CABLES1: variants seen among roughly 807,000 people sequenced by gnomAD.
CABLES1 encodes the protein Cdk5 and Abl enzyme substrate 1.
CABLES1 carries 36 observed loss-of-function variants against 57.8 expected under a neutral mutation model. The observed-to-expected ratio is 0.62, with a 90% confidence interval of 0.48 to 0.82. CABLES1 has a LOEUF of 0.82. Among genes scored for constraint, CABLES1 ranks in the 40% least tolerant of loss-of-function variants. The probability of loss-of-function intolerance (pLI) is 0.00; values close to 1 mark genes in which losing one functional copy is unlikely to be tolerated. For missense variants in CABLES1, 767 were observed against 836.6 expected, an observed-to-expected ratio of 0.92 and a Z score of 1.03; for synonymous variants, 374 against 363.0, an observed-to-expected ratio of 1.03 and a Z score of -0.35.
At chr18:23,169,436 T>G (rs1001305893) in intron 1 of CABLES1, among the ~76,000 whole-genome samples, 2 of 152,232 alleles carry the variant, frequency 1.3e-5, no homozygotes, top group South Asian at 4.1e-4. Flanking sequence ...TGATATGTTA[T>G]GTCCACTAGG....
intron 7 of CABLES1, among the ~76,000 whole-genome samples, chr18:23,243,535 T>C (rs2047794246): frequency 1.4e-5 from 2 of 140,590 alleles, no homozygotes; most frequent in South Asian, 2.5e-4. Flanking sequence ...TCCAACACCA[T>C]ACAATTCACC....
intron 1 of CABLES1, among the ~76,000 whole-genome samples, chr18:23,184,713 AAAT>A (rs2047190546): frequency 6.6e-6 from 1 of 152,170 alleles, no homozygotes; most frequent in African/African-American, 2.4e-5. Context: ...AGAAAAAAAT[AAAT>A]AAATAAAAAG....
chr18:23,218,955 G>A (rs1229129707), intron 4 of CABLES1, among the ~76,000 whole-genome samples: 1 of 152,168 alleles, frequency 6.6e-6, no homozygotes, highest in Non-Finnish European at 1.5e-5. Context: ...CACTGGAGCT[G>A]CCCACAAATC....
intron 9 of CABLES1, among the ~76,000 whole-genome samples, chr18:23,256,624 G>T (rs1046659632): frequency 2.0e-5 from 3 of 152,080 alleles, no homozygotes; most frequent in Non-Finnish European, 4.4e-5. Flanking sequence ...GGGATTACAG[G>T]CGCCCACCGC....
chr18:23,146,215 G>C (rs1568042185), intron 1 of CABLES1, among the ~76,000 whole-genome samples: 1 of 152,244 alleles, frequency 6.6e-6, no homozygotes, highest in Admixed American at 6.5e-5. Context: ...TAAGGAGCTG[G>C]AAGATATTCA....
In CABLES1 at chr18:23,260,236, A is replaced by G. The variant is rs1253238019; in HGVS notation, c.*2869A>G. 6.6e-6 allele frequency: 1 copy of G among 152,124 alleles called. No individual in the cohort carries two copies. The highest frequency in any genetic ancestry group is 2.4e-5 in the African/African-American group (1 of 41,410). 9.4% of individuals were successfully genotyped at this position (152,124 alleles called of 1,614,324 possible). On this transcript the variant is annotated 3_prime_UTR_variant, in exon 10 of 10. Coordinates refer to ENST00000256925, the MANE Select transcript of CABLES1 (RefSeq NM_001100619.3). ...CCTATTTAAACAGGAAATTCATACC[A>G]AATGCAAATGGGTTTTGTTTTCCTT...
chr18:23,178,260 C>T (rs2047139270), intron 1 of CABLES1, among the ~76,000 whole-genome samples: 1 of 152,082 alleles, frequency 6.6e-6, no homozygotes, highest in Non-Finnish European at 1.5e-5. Context: ...CCTGGTTCTA[C>T]CCTTCTGCGT....
intron 1 of CABLES1, among the ~76,000 whole-genome samples, chr18:23,163,527 G>A (rs2047019672): frequency 6.6e-6 from 1 of 152,138 alleles, no homozygotes; most frequent in Non-Finnish European, 1.5e-5. Context: ...CAGGCACAGG[G>A]TGCTGTCAGG....
intron 3 of CABLES1, among the ~76,000 whole-genome samples, chr18:23,203,865 T>C (rs187713137): frequency 2.0e-5 from 3 of 152,342 alleles, no homozygotes; most frequent in Non-Finnish European, 2.9e-5. Context: ...CTGGCTTTTT[T>C]TCCTCTCGGA....
chr18:23,237,383 G>A (rs1471622137), intron 7 of CABLES1, 138 bp downstream of exon 7: 10 of 679,632 alleles, frequency 1.5e-5, no homozygotes, highest in Non-Finnish European at 1.9e-5. Context: ...GGGTGCCCAC[G>A]GAAGGACCAG....
At chr18:23,188,408 G>A (rs966661524) in intron 1 of CABLES1, among the ~76,000 whole-genome samples, 1 of 152,144 alleles carries the variant, frequency 6.6e-6, no homozygotes, top group African/African-American at 2.4e-5. Context: ...TTTTAATAGG[G>A]TTTCAGATTT....
chr18:23,245,908 C>T (rs540452202), intron 7 of CABLES1, among the ~76,000 whole-genome samples: 1 of 152,246 alleles, frequency 6.6e-6, no homozygotes, highest in Non-Finnish European at 1.5e-5. Context: ...CAGCCTGGGC[C>T]TGCTGCGGGC....
intron 7 of CABLES1, among the ~76,000 whole-genome samples, chr18:23,245,901 C>G (rs2047865718): frequency 6.6e-6 from 1 of 152,242 alleles, no homozygotes; most frequent in Non-Finnish European, 1.5e-5. Flanking sequence ...CATCACACAG[C>G]CTGGGCCTGC....
chr18:23,134,970 AC>A (rs1188590231), upstream of CABLES1, among the ~76,000 whole-genome samples: 1 of 151,896 alleles, frequency 6.6e-6, no homozygotes, highest in Non-Finnish European at 1.5e-5. Flanking sequence ...CTGTGGACTT[AC>A]CCGTGTTATT....
rs760059139 is a variant in CABLES1 at position 23,237,219 on chromosome 18, C to T, written c.1420C>T (p.Arg474Cys). 1.9e-6 allele frequency: 3 copies of T among 1,612,842 alleles called. No individual in the cohort carries two copies. Among genetic ancestry groups the T allele is most frequent in the South Asian group, 1.1e-5 (1 of 91,062 alleles). Residue 474 changes from arginine to cysteine, a missense_variant, in exon 7 of 10, where the codon CGC (arginine) becomes TGC (cysteine). By Grantham distance (180) the Arg-to-Cys change is radical. Around this residue, in one of 4 missense-constraint regions of CABLES1, gnomAD observed 529 missense variants for 622.8 expected, o/e 0.85. Coordinates refer to ENST00000256925, the MANE Select transcript of CABLES1 (RefSeq NM_001100619.3). ...DPQWPCGKHK[R>C]VLIFPSYMTT... ...CCAGTGGCCTTGTGGCAAACACAAA[C>T]GCGTTCTGATCTTCCCTTCCTACAT...
At chr18:23,177,564 C>G (rs1362515700) in intron 1 of CABLES1, among the ~76,000 whole-genome samples, 3 of 152,204 alleles carry the variant, frequency 2.0e-5, no homozygotes, top group East Asian at 3.8e-4. Flanking sequence ...AAGCCTGGCC[C>G]TCTGATTGCG....
intron 1 of CABLES1, among the ~76,000 whole-genome samples, chr18:23,176,331 C>T (rs369010387): frequency 1.6e-4 from 24 of 152,270 alleles, no homozygotes; most frequent in East Asian, 9.6e-4. Flanking sequence ...GCACAGTTCA[C>T]AATAGGCTTG....
chr18:23,237,173 C>G lies in CABLES1; in HGVS notation c.1374C>G (p.Asp458Glu). ...GSDLGDFMDYDPNLLDDPQWP... is the reference protein window; with the variant it reads ...GSDLGDFMDYEPNLLDDPQWP... ...ACCTGGGAGACTTTATGGACTATGA[C>G]CCAAATCTCTTGGATGACCCCCAGT... The change falls in exon 7 of 10, where the codon GAC (aspartate) becomes GAG (glutamate). Residue 458 changes from aspartate (D) to glutamate (E), a missense_variant. Asp to Glu is a conservative substitution (Grantham distance 45, BLOSUM62 2). Around this residue, in one of 4 missense-constraint regions of CABLES1, gnomAD observed 529 missense variants for 622.8 expected, o/e 0.85. Transcript: ENST00000256925. 10 of 1,613,410 alleles carry G rather than the reference C, an allele frequency of 6.2e-6. No individual in the cohort carries two copies. Among genetic ancestry groups the G allele is most frequent in the Non-Finnish European group, 8.5e-6 (10 of 1,179,340 alleles).
intron 1 of CABLES1, among the ~76,000 whole-genome samples, chr18:23,184,925 A>G (rs72874966): frequency 0.16 from 24,336 of 151,972 alleles, 2,634 homozygotes; most frequent in Non-Finnish European, 0.23. Flanking sequence ...CACTCTTATG[A>G]CAGATCACTT....
Sources: gnomAD v4.1 joint callset for allele counts (sites outside exome capture counted in the v4.1 genomes callset) on GRCh38, gnomAD v4.1.1 for gene constraint, gnomAD v4.1.1 regional missense constraint, MANE v1.5 for transcripts, NCBI Gene and HGNC (gene_info 2026-07-23, HGNC 2026-07-21) for gene names.